Variants in TMEM132B observed in about 807,000 individuals in gnomAD.
The protein encoded by TMEM132B is transmembrane protein 132B.
A neutral mutation model predicts 90.8 loss-of-function variants in TMEM132B; 18 were observed. That is an observed-to-expected ratio of 0.20 (90% confidence interval 0.14 to 0.29). TMEM132B has a LOEUF of 0.29. Among genes scored for constraint, TMEM132B ranks in the 10% least tolerant of loss-of-function variants. The pLI is 1.00. For missense variants in TMEM132B, 1,096 were observed against 1,326.8 expected, an observed-to-expected ratio of 0.83 and a Z score of 2.70; for synonymous variants, 504 against 523.3, an observed-to-expected ratio of 0.96 and a Z score of 0.50.
chr12:125,454,330 G>A (rs1274664679), intron 3 of TMEM132B, among the ~76,000 whole-genome samples: 1 of 152,052 alleles, frequency 6.6e-6, no homozygotes, highest in Admixed American at 6.6e-5. Context: ...CATGGCAACA[G>A]TTACGCAGAA....
rs114100634 is a variant in TMEM132B, at chr12:125,543,714, G to T, written c.1293+24089G>T. Reference sequence around the variant, plus strand: ...ATTATAAACATCAGATGCTGGCGAGGTTGCGGAGAAATAGGAAAGCTTTTA... The same window carrying T: ...ATTATAAACATCAGATGCTGGCGAGTTTGCGGAGAAATAGGAAAGCTTTTA... On this transcript the variant is annotated intron_variant, in intron 4 of 8. Transcript: ENST00000682704. 1.6e-4 allele frequency among the ~76,000 whole-genome samples: 25 copies of T among 152,342 alleles called. No homozygotes were observed. In the South Asian group the frequency reaches 5.2e-3, roughly 32 times the overall value.
intron 3 of TMEM132B, among the ~76,000 whole-genome samples, chr12:125,450,016 G>A (rs1036675943): frequency 6.6e-6 from 1 of 152,110 alleles, no homozygotes; most frequent in South Asian, 2.1e-4. Flanking sequence ...ATTCACATTT[G>A]TACCTGTATA....
At chr12:125,571,878 G>A (rs1884804997) in intron 4 of TMEM132B, among the ~76,000 whole-genome samples, 1 of 152,142 alleles carries the variant, frequency 6.6e-6, no homozygotes, top group Admixed American at 6.5e-5. Context: ...CTTGTTCCCA[G>A]ACCATATTCA....
intron 1 of TMEM132B, among the ~76,000 whole-genome samples, chr12:125,218,379 A>G (rs540595413): frequency 1.5e-4 from 23 of 152,306 alleles, no homozygotes; most frequent in African/African-American, 5.3e-4. Context: ...AGTATTTTCC[A>G]TAGATTTTTG....
At chr12:125,469,607 G>T (rs1416564829) in intron 3 of TMEM132B, among the ~76,000 whole-genome samples, 1 of 152,106 alleles carries the variant, frequency 6.6e-6, no homozygotes, top group African/African-American at 2.4e-5. Context: ...CACGAGGCAG[G>T]GAAGAGTCTC....
intron 4 of TMEM132B, among the ~76,000 whole-genome samples, chr12:125,569,632 A>G (rs898594728): frequency 6.6e-6 from 1 of 152,122 alleles, no homozygotes; most frequent in African/African-American, 2.4e-5. Context: ...GAAACCAACT[A>G]GGGCCAATGA....
chr12:125,648,197 T>A (rs1020386437), intron 6 of TMEM132B, among the ~76,000 whole-genome samples: 3 of 152,014 alleles, frequency 2.0e-5, no homozygotes, highest in Non-Finnish European at 2.9e-5. Context: ...AATGATGGTT[T>A]CCAATTTCAT....
At chr12:125,563,498 A>G (rs1044177341) in intron 4 of TMEM132B, among the ~76,000 whole-genome samples, 5 of 151,956 alleles carry the variant, frequency 3.3e-5, no homozygotes, top group Non-Finnish European at 7.4e-5. Flanking sequence ...TCCGGGAGGC[A>G]GAGGTTGCAG....
At chr12:125,237,801 A>T (rs544691816) in intron 1 of TMEM132B, among the ~76,000 whole-genome samples, 3 of 152,194 alleles carry the variant, frequency 2.0e-5, no homozygotes, top group Admixed American at 6.5e-5. Context: ...ACTTCACAGC[A>T]CCAGCACTGA....
intron 3 of TMEM132B, among the ~76,000 whole-genome samples, chr12:125,449,392 C>T (rs1328675325): frequency 2.0e-5 from 3 of 152,148 alleles, no homozygotes; most frequent in Non-Finnish European, 2.9e-5. Flanking sequence ...ATAACATTCT[C>T]TTATTGCCCT....
chr12:125,567,397 C>T (rs893681857), intron 4 of TMEM132B, among the ~76,000 whole-genome samples: 2 of 152,074 alleles, frequency 1.3e-5, no homozygotes, highest in East Asian at 3.9e-4. Context: ...TTTCCTGTCT[C>T]CCTTCCTTTC....
At chr12:125,515,306 T>G (rs1883092985) in intron 3 of TMEM132B, among the ~76,000 whole-genome samples, 1 of 151,040 alleles carries the variant, frequency 6.6e-6, no homozygotes, top group South Asian at 2.1e-4. Flanking sequence ...TCATACACAC[T>G]ATTCACATGT....
At chr12:125,248,815 C>T (rs977091530) in intron 1 of TMEM132B, among the ~76,000 whole-genome samples, 5 of 152,198 alleles carry the variant, frequency 3.3e-5, no homozygotes, top group Non-Finnish European at 5.9e-5. Flanking sequence ...TCTCCCTCTG[C>T]CCACTGTGGC....
intron 1 of TMEM132B, among the ~76,000 whole-genome samples, chr12:125,344,509 G>A (rs1250069894): frequency 6.6e-6 from 1 of 152,138 alleles, no homozygotes; most frequent in Non-Finnish European, 1.5e-5. Context: ...ACCATGGTGG[G>A]GGTTTTATAT....
At chr12:125,231,975 GGT>G (rs1873836808) in intron 1 of TMEM132B, among the ~76,000 whole-genome samples, 1 of 151,852 alleles carries the variant, frequency 6.6e-6, no homozygotes, top group South Asian at 2.1e-4. Flanking sequence ...TCCATGTATG[GGT>G]GTGTGTGTTT....
chr12:125,565,503 G>A (rs569122077), intron 4 of TMEM132B, among the ~76,000 whole-genome samples: 1 of 152,350 alleles, frequency 6.6e-6, no homozygotes, highest in South Asian at 2.1e-4. Context: ...TGGTACCCAG[G>A]TGCTTGTCCA....
At chr12:125,237,880 TG>T (rs1002417490) in intron 1 of TMEM132B, among the ~76,000 whole-genome samples, 2 of 152,180 alleles carry the variant, frequency 1.3e-5, no homozygotes, top group African/African-American at 4.8e-5. Context: ...TGGTTGATGG[TG>T]TTGAATGAAC....
intron 3 of TMEM132B, among the ~76,000 whole-genome samples, chr12:125,483,120 A>G (rs1390662210): frequency 6.6e-6 from 1 of 152,116 alleles, no homozygotes; most frequent in Non-Finnish European, 1.5e-5. Context: ...GGGGAGGGAT[A>G]GCATTAGGAG....
At chr12:125,488,627 G>C (rs1882267171) in intron 3 of TMEM132B, among the ~76,000 whole-genome samples, 3 of 152,290 alleles carry the variant, frequency 2.0e-5, no homozygotes, top group Admixed American at 6.5e-5. Context: ...TGCCATGATT[G>C]TGAGGCCTCC....
Sources: gnomAD v4.1 joint callset for allele counts (sites outside exome capture counted in the v4.1 genomes callset) on GRCh38, gnomAD v4.1.1 for gene constraint, MANE v1.5 for transcripts, NCBI Gene and HGNC (gene_info 2026-07-23, HGNC 2026-07-21) for gene names.